CNTNAP5: variants seen among roughly 807,000 people sequenced by gnomAD.
The protein encoded by CNTNAP5 is contactin-associated protein-like 5.
A neutral mutation model predicts 150.2 loss-of-function variants in CNTNAP5; 72 were observed. The observed-to-expected ratio is 0.48, with a 90% CI of 0.40 to 0.58. CNTNAP5 has a LOEUF of 0.58. Among genes scored for constraint, CNTNAP5 ranks in the 20% least tolerant of loss-of-function variants. The pLI is 0.00. For synonymous variants in CNTNAP5, 672 were observed against 619.8 expected (o/e 1.08, Z -1.25); for missense variants, 1,636 against 1,626.2 (o/e 1.01, Z -0.10).
chr2:124,878,510 G>T (rs906253200), intron 21 of CNTNAP5, among the ~76,000 whole-genome samples: 6 of 151,746 alleles, frequency 4.0e-5, no homozygotes, highest in African/African-American at 1.5e-4. Flanking sequence ...TTCCCTTTTG[G>T]ACTCTAATTG....
chr2:124,606,263 G>A (rs973190237), intron 11 of CNTNAP5, among the ~76,000 whole-genome samples: 1 of 152,090 alleles, frequency 6.6e-6, no homozygotes, highest in African/African-American at 2.4e-5. Flanking sequence ...CAACTAGACT[G>A]GATGGATGGG....
chr2:124,631,357 G>A (rs1677856796), intron 12 of CNTNAP5, among the ~76,000 whole-genome samples: 1 of 152,074 alleles, frequency 6.6e-6, no homozygotes, highest in African/African-American at 2.4e-5. Context: ...AAGCAATATG[G>A]TATTGCTACA....
At chr2:124,073,995 A>G (rs1682377746) in intron 1 of CNTNAP5, among the ~76,000 whole-genome samples, 1 of 152,192 alleles carries the variant, frequency 6.6e-6, no homozygotes, top group South Asian at 2.1e-4. Context: ...ACAATGGAGT[A>G]CTATTTATAC....
At chr2:124,756,450 A>C (rs1382341321) in intron 14 of CNTNAP5, among the ~76,000 whole-genome samples, 2 of 152,210 alleles carry the variant, frequency 1.3e-5, no homozygotes, top group Non-Finnish European at 2.9e-5. Flanking sequence ...TTTATGATAA[A>C]GATACATGCA....
At chr2:124,464,035 A>T (rs2104823744) in intron 6 of CNTNAP5, among the ~76,000 whole-genome samples, 1 of 152,304 alleles carries the variant, frequency 6.6e-6, no homozygotes, top group South Asian at 2.1e-4. Flanking sequence ...CCGATATATA[A>T]ACATGATCAA....
At chr2:124,218,003 A>T (rs577306306) in intron 1 of CNTNAP5, among the ~76,000 whole-genome samples, 1 of 152,322 alleles carries the variant, frequency 6.6e-6, no homozygotes, top group South Asian at 2.1e-4. Context: ...TATGCTTTCC[A>T]CTAATGCAGC....
At chr2:124,309,670 AG>A (rs751108016) in intron 3 of CNTNAP5, among the ~76,000 whole-genome samples, 2 of 152,174 alleles carry the variant, frequency 1.3e-5, no homozygotes, top group Non-Finnish European at 2.9e-5. Flanking sequence ...CAATGACAAA[AG>A]TCTGGGGCCT....
chr2:124,393,513 C>G (rs2104750860), intron 3 of CNTNAP5, among the ~76,000 whole-genome samples: 1 of 152,214 alleles, frequency 6.6e-6, no homozygotes, highest in East Asian at 1.9e-4. Context: ...AAGCTTTATA[C>G]TGATTATTAT....
intron 17 of CNTNAP5, among the ~76,000 whole-genome samples, chr2:124,780,070 G>A (rs1039015935): frequency 6.6e-6 from 1 of 152,172 alleles, no homozygotes; most frequent in Non-Finnish European, 1.5e-5. Flanking sequence ...CATTCCACTA[G>A]TGGCTTTATG....
At chr2:124,769,622 T>G (rs1165553868) in intron 16 of CNTNAP5, among the ~76,000 whole-genome samples, 1 of 152,238 alleles carries the variant, frequency 6.6e-6, no homozygotes, top group Non-Finnish European at 1.5e-5. Flanking sequence ...CCTGTTATAC[T>G]GGGCCACAGT....
intron 3 of CNTNAP5, among the ~76,000 whole-genome samples, chr2:124,337,391 G>T (rs563168653): frequency 6.6e-6 from 1 of 152,248 alleles, no homozygotes; most frequent in African/African-American, 2.4e-5. Context: ...GATCCCATTT[G>T]TCAATTTTGG....
intron 4 of CNTNAP5, among the ~76,000 whole-genome samples, chr2:124,420,435 T>G (rs1008440725): frequency 5.3e-5 from 8 of 152,138 alleles, no homozygotes; most frequent in African/African-American, 1.9e-4. Context: ...AACTTCTCTT[T>G]AGTTGCTCTC....
chr2:124,577,934 G>T (rs1274320935), intron 11 of CNTNAP5, among the ~76,000 whole-genome samples: 1 of 151,966 alleles, frequency 6.6e-6, no homozygotes, highest in African/African-American at 2.4e-5. Flanking sequence ...AGACAAAACT[G>T]GTATCAGCCA....
At chr2:124,906,528 A>G (rs1164187875) in intron 22 of CNTNAP5, among the ~76,000 whole-genome samples, 1 of 152,144 alleles carries the variant, frequency 6.6e-6, no homozygotes, top group African/African-American at 2.4e-5. Flanking sequence ...ATAGGTCATG[A>G]TGTGTTAGTA....
intron 1 of CNTNAP5, among the ~76,000 whole-genome samples, chr2:124,075,813 G>A (rs139636424): frequency 0.014 from 2,128 of 152,226 alleles, 31 homozygotes; most frequent in Non-Finnish European, 0.02. Context: ...CATCTCTTAT[G>A]TATGTGGTGA....
intron 3 of CNTNAP5, among the ~76,000 whole-genome samples, chr2:124,353,642 C>T (rs969002237): frequency 1.4e-4 from 22 of 152,132 alleles, no homozygotes; most frequent in South Asian, 4.1e-4. Flanking sequence ...AATTCTTATA[C>T]GAATTTTCTC....
chr2:124,887,457 C>T (rs1238435973), intron 21 of CNTNAP5, among the ~76,000 whole-genome samples: 1 of 152,030 alleles, frequency 6.6e-6, no homozygotes, highest in East Asian at 1.9e-4. Context: ...GCGGGATTCC[C>T]AGGGATGTGG....
chr2:124,694,977 G>A (rs934991960), intron 13 of CNTNAP5, among the ~76,000 whole-genome samples: 21 of 150,170 alleles, frequency 1.4e-4, no homozygotes, highest in Admixed American at 1.3e-4. Context: ...TAGAATACTA[G>A]TAGAATATTT....
At chr2:124,300,733 C>T (rs1688552549) in intron 3 of CNTNAP5, among the ~76,000 whole-genome samples, 1 of 152,300 alleles carries the variant, frequency 6.6e-6, no homozygotes, top group Non-Finnish European at 1.5e-5. Flanking sequence ...TCCTCCATTG[C>T]TCTGCAGGCT....
Sources: allele counts gnomAD v4.1 joint callset (sites outside exome capture counted in the v4.1 genomes callset), GRCh38; gene constraint gnomAD v4.1.1; transcripts MANE v1.5; gene names NCBI Gene and HGNC (gene_info 2026-07-23, HGNC 2026-07-21).